CCDC141: variants seen among roughly 807,000 people sequenced by gnomAD.
CCDC141 encodes the protein coiled-coil domain-containing protein 141.
Under a neutral mutation model 181.0 loss-of-function variants are expected in CCDC141, and 168 were observed. The ratio of observed to expected loss-of-function variants is 0.93; its 90% CI spans 0.82 to 1.05. The LOEUF is 1.05. CCDC141 is among the 50% of genes least tolerant of loss of function. The pLI is 0.00. For synonymous variants in CCDC141, 666 were observed against 642.3 expected (o/e 1.04, Z -0.56); for missense variants, 1,902 against 1,788.5 (o/e 1.06, Z -1.14).
At chr2:178,898,669 T>C (rs1412980035) in intron 8 of CCDC141, among the ~76,000 whole-genome samples, 1 of 152,208 alleles carries the variant, frequency 6.6e-6, no homozygotes, top group Non-Finnish European at 1.5e-5. Flanking sequence ...AAACTTCAAA[T>C]GTATTTGATT....
intron 6 of CCDC141, among the ~76,000 whole-genome samples, chr2:178,933,805 G>T (rs1245902223): frequency 6.6e-6 from 1 of 152,128 alleles, no homozygotes; most frequent in Non-Finnish European, 1.5e-5. Flanking sequence ...GTGAAGCAAG[G>T]GTAAGAGGAG....
intron 2 of CCDC141, among the ~76,000 whole-genome samples, chr2:179,043,105 T>C (rs776299599): frequency 1.1e-4 from 17 of 152,090 alleles, no homozygotes; most frequent in Non-Finnish European, 2.1e-4. Context: ...TCTATGCACA[T>C]AAACTAGAAA....
chr2:179,021,260 A>AT (rs1648638559), intron 2 of CCDC141, among the ~76,000 whole-genome samples: 1 of 152,092 alleles, frequency 6.6e-6, no homozygotes, highest in East Asian at 1.9e-4. Context: ...GGCTTCAACT[A>AT]TTTTTTCTGG....
chr2:178,964,097 G>T (rs1012630004), intron 4 of CCDC141, among the ~76,000 whole-genome samples: 1 of 152,182 alleles, frequency 6.6e-6, no homozygotes, highest in African/African-American at 2.4e-5. Flanking sequence ...GTGAAATGAG[G>T]TAAAAGCAGC....
intron 6 of CCDC141, among the ~76,000 whole-genome samples, chr2:178,940,346 G>A (rs978655267): frequency 1.3e-5 from 2 of 152,124 alleles, no homozygotes; most frequent in Admixed American, 6.6e-5. Flanking sequence ...ACAAAGAACT[G>A]TATAAACTAG....
At chr2:178,868,910 T>C (rs1224704514) in intron 15 of CCDC141, among the ~76,000 whole-genome samples, 2 of 152,070 alleles carry the variant, frequency 1.3e-5, no homozygotes, top group Non-Finnish European at 2.9e-5. Context: ...GTTAGGGATG[T>C]GTGCATCATC....
At chr2:178,877,765 CT>C in intron 12 of CCDC141, 198 bp downstream of exon 12, 1 of 612,366 alleles carries the variant, frequency 1.6e-6, no homozygotes, top group Non-Finnish European at 2.9e-6. Context: ...AACAGCCTTC[CT>C]GTTATAAACT....
chr2:178,955,928 G>T (rs1219023503), intron 5 of CCDC141, among the ~76,000 whole-genome samples: 1 of 152,172 alleles, frequency 6.6e-6, no homozygotes, highest in Non-Finnish European at 1.5e-5. Flanking sequence ...TTCAATCTGA[G>T]ACCAATCGTC....
chr2:178,919,646 A>G (rs550974041), intron 6 of CCDC141, among the ~76,000 whole-genome samples: 2 of 152,364 alleles, frequency 1.3e-5, no homozygotes, highest in East Asian at 1.9e-4. Flanking sequence ...CTTTCCCACA[A>G]TTCAGTCTCA....
chr2:179,033,706 G>T (rs2043061618), intron 2 of CCDC141, among the ~76,000 whole-genome samples: 1 of 151,906 alleles, frequency 6.6e-6, no homozygotes, highest in Non-Finnish European at 1.5e-5. Flanking sequence ...AGAACTATGG[G>T]TTCTATTTTC....
the CCDC141 span, chr2:178,817,407 G>T: frequency 2.3e-6 from 1 of 444,170 alleles, no homozygotes. Flanking sequence ...GTTTAGGACA[G>T]AAGTACTTCC....
chr2:178,850,162 C>T lies in CCDC141; in HGVS notation c.3245-1G>A. 1 of 1,533,140 alleles carries T rather than the reference C, an allele frequency of 6.5e-7. No individual in the cohort carries two copies. The highest frequency in any genetic ancestry group is 9.0e-7 in the Non-Finnish European group (1 of 1,110,982). 95.0% of individuals were successfully genotyped at this position (1,533,140 alleles called of 1,614,324 possible). A position where few individuals can be genotyped will look rare whatever the true frequency, so the allele number is the denominator to read the frequency against. ...ATATATTTCTGTCCTTCTTCCAAAC[C>T]TGGGGAGGAGAAGGATGAAACTAGT... On this transcript the variant is annotated splice_acceptor_variant, in intron 20 of 23. Coordinates refer to ENST00000443758, the MANE Select transcript of CCDC141 (RefSeq NM_173648.4). LOFTEE classifies it high-confidence loss of function.
chr2:178,996,890 G>T (rs1692313473), intron 2 of CCDC141, among the ~76,000 whole-genome samples: 1 of 152,170 alleles, frequency 6.6e-6, no homozygotes, highest in Non-Finnish European at 1.5e-5. Flanking sequence ...AATTTCCTTG[G>T]AATTTTAGAT....
At chr2:178,924,737 T>C (rs1429318774) in intron 6 of CCDC141, among the ~76,000 whole-genome samples, 1 of 152,212 alleles carries the variant, frequency 6.6e-6, no homozygotes, top group Non-Finnish European at 1.5e-5. Context: ...CTCACTATGA[T>C]GCAGTCCAGC....
rs537387007 is a variant in CCDC141 at position 178,867,739 on chromosome 2, CA to C, written c.2574+286del. On this transcript the variant is annotated intron_variant, in intron 16 of 23. Transcript: ENST00000443758. The stretch of plus-strand genomic sequence containing the variant: ...AGTTGCATTAGGCACACATCAAAGG[CA>C]AAAAAGTGACTGCCACACTGGACTA... 4.3e-3 allele frequency among the ~76,000 whole-genome samples: 651 copies of C among 152,000 alleles called. 5 individuals are homozygous for C. Among genetic ancestry groups the C allele is most frequent in the Non-Finnish European group, 6.6e-3 (451 of 67,966 alleles).
intron 2 of CCDC141, among the ~76,000 whole-genome samples, chr2:179,033,450 C>T (rs950392692): frequency 2.0e-5 from 3 of 152,148 alleles, no homozygotes; most frequent in African/African-American, 7.2e-5. Context: ...ACCAATCCCA[C>T]ACAGGTACTG....
intron 22 of CCDC141, among the ~76,000 whole-genome samples, chr2:178,839,412 C>CA (rs35187942): frequency 0.039 from 5,019 of 129,650 alleles, 90 homozygotes; most frequent in South Asian, 0.084. Flanking sequence ...GACTCTGTCT[C>CA]AAAAAAAAAA....
At chr2:178,883,517 A>G (rs1348560300) in intron 11 of CCDC141, among the ~76,000 whole-genome samples, 1 of 152,236 alleles carries the variant, frequency 6.6e-6, no homozygotes, top group Non-Finnish European at 1.5e-5. Flanking sequence ...TGGTGAATTG[A>G]GAATATTATA....
chr2:179,019,691 T>C (rs889074029), intron 2 of CCDC141, among the ~76,000 whole-genome samples: 8 of 152,142 alleles, frequency 5.3e-5, no homozygotes, highest in African/African-American at 1.9e-4. Flanking sequence ...ACAACATAGT[T>C]CCAATACATT....
Sources: allele counts gnomAD v4.1 joint callset (sites outside exome capture counted in the v4.1 genomes callset), GRCh38; gene constraint gnomAD v4.1.1; transcripts MANE v1.5; gene names NCBI Gene and HGNC (gene_info 2026-07-23, HGNC 2026-07-21).